The following DCAF6 variants were observed in gnomAD, a reference collection of about 807,000 sequenced individuals.
DCAF6 encodes DDB1- and CUL4-associated factor 6.
DCAF6 carries 54 observed loss-of-function variants against 125.1 expected under a neutral mutation model. That is an observed-to-expected ratio of 0.43 (90% CI 0.35 to 0.54). The LOEUF (loss-of-function observed/expected upper bound fraction) is 0.54. Among genes scored for constraint, DCAF6 ranks in the 20% least tolerant of loss-of-function variants. DCAF6 has a pLI of 0.01. For missense variants in DCAF6, 934 were observed against 1,161.7 expected (o/e 0.80, Z 2.85); for synonymous variants, 371 against 390.4 (o/e 0.95, Z 0.58).
chr1:168,056,463 ACCCGCGCCGG>A (rs1690855238), intron 17 of DCAF6: 1 of 1,121,358 alleles, frequency 8.9e-7, no homozygotes, highest in Non-Finnish European at 1.1e-6. Context: ...CGCCTCGGCC[ACCCGCGCCGG>A]GAGGCGGGGC....
intron 17 of DCAF6, among the ~76,000 whole-genome samples, chr1:168,052,747 C>A (rs983098597): frequency 1.3e-5 from 2 of 152,154 alleles, no homozygotes; most frequent in African/African-American, 4.8e-5. Flanking sequence ...TACCATATTT[C>A]TTTGAATAGT....
At chr1:168,002,932 G>A (rs1406566287) in intron 8 of DCAF6, among the ~76,000 whole-genome samples, 1 of 152,078 alleles carries the variant, frequency 6.6e-6, no homozygotes, top group Admixed American at 6.6e-5. Flanking sequence ...CAGCCCAAGG[G>A]TTTTATATTA....
At chr1:168,026,755 G>T (rs1166260792) in intron 12 of DCAF6, among the ~76,000 whole-genome samples, 1 of 151,976 alleles carries the variant, frequency 6.6e-6, no homozygotes, top group Non-Finnish European at 1.5e-5. Flanking sequence ...GGATATCCAC[G>T]TGGAGAGATC....
intron 17 of DCAF6, among the ~76,000 whole-genome samples, chr1:168,061,951 T>TAC (rs1691645640): frequency 6.6e-6 from 1 of 152,066 alleles, no homozygotes; most frequent in Non-Finnish European, 1.5e-5. Flanking sequence ...CCAAACAACA[T>TAC]ACACAAATGT....
At chr1:168,011,077 G>GT (rs1353033851) in intron 10 of DCAF6, among the ~76,000 whole-genome samples, 1 of 138,700 alleles carries the variant, frequency 7.2e-6, no homozygotes, top group African/African-American at 2.7e-5. Context: ...CCTGCCCTGT[G>GT]TTTTTAATTA....
intron 4 of DCAF6, among the ~76,000 whole-genome samples, chr1:167,986,637 G>C (rs1255267184): frequency 6.6e-6 from 1 of 152,172 alleles, no homozygotes. Flanking sequence ...CACAACCTGT[G>C]AGAAACAGTT....
At chr1:168,038,729 T>C (rs1688139297) in intron 13 of DCAF6, among the ~76,000 whole-genome samples, 1 of 152,124 alleles carries the variant, frequency 6.6e-6, no homozygotes, top group African/African-American at 2.4e-5. Context: ...TTCCAGATGA[T>C]GCCGGTGCTG....
chr1:168,007,488 C>G (rs746942825), intron 10 of DCAF6, among the ~76,000 whole-genome samples: 7 of 151,954 alleles, frequency 4.6e-5, no homozygotes, highest in Non-Finnish European at 7.4e-5. Flanking sequence ...CCCCCATCTG[C>G]TTTTCAACCC....
intron 10 of DCAF6, 31 bp downstream of exon 10, chr1:168,004,824 T>C (rs942794703): frequency 1.3e-5 from 20 of 1,588,318 alleles, no homozygotes; most frequent in Non-Finnish European, 1.5e-5. Flanking sequence ...GTTCATCTAA[T>C]GATTTTTGAT....
At chr1:167,934,941 T>C (rs1249890614), upstream of DCAF6, among the ~76,000 whole-genome samples, 2 of 152,186 alleles carry the variant, frequency 1.3e-5, no homozygotes, top group Non-Finnish European at 2.9e-5. Context: ...CAGTTTTTTT[T>C]TTCAACCACA....
intron 2 of DCAF6, among the ~76,000 whole-genome samples, chr1:167,954,204 C>T (rs111673721): frequency 0.1 from 15,663 of 151,836 alleles, 883 homozygotes; most frequent in African/African-American, 0.14. Flanking sequence ...CGGGGTTTCG[C>T]CGTGTTGGCT....
chr1:167,875,693 G>T, the DCAF6 span, among the ~76,000 whole-genome samples: 4 of 152,220 alleles, frequency 2.6e-5, no homozygotes, highest in African/African-American at 9.6e-5. Context: ...ACTCACGCCT[G>T]TAATCCCAGC....
At chr1:168,064,079 AT>A (rs11295034) in intron 18 of DCAF6, 46,497 of 92,504 alleles carry the variant, frequency 0.5, 9,600 homozygotes, top group Admixed American at 0.59. Flanking sequence ...TTTCTGGTGG[AT>A]TTTTTTTTTT....
intron 10 of DCAF6, among the ~76,000 whole-genome samples, chr1:168,014,367 G>C (rs1444114146): frequency 6.6e-6 from 1 of 152,134 alleles, no homozygotes; most frequent in African/African-American, 2.4e-5. Context: ...TGATCATTCA[G>C]TTCTCCAGCT....
At chr1:167,958,280 A>G (rs1420278840) in intron 2 of DCAF6, among the ~76,000 whole-genome samples, 1 of 149,908 alleles carries the variant, frequency 6.7e-6, no homozygotes, top group Non-Finnish European at 1.5e-5. Flanking sequence ...TTCTGTTTAG[A>G]TATTTGATCT....
chr1:168,039,485 CTT>C (rs1688226886), intron 13 of DCAF6, among the ~76,000 whole-genome samples: 1 of 150,666 alleles, frequency 6.6e-6, no homozygotes, highest in African/African-American at 2.4e-5. Flanking sequence ...TTTTTATACT[CTT>C]TCCCACTATC....
intron 12 of DCAF6, among the ~76,000 whole-genome samples, chr1:168,031,629 T>C (rs1687103100): frequency 6.6e-6 from 1 of 152,196 alleles, no homozygotes; most frequent in South Asian, 2.1e-4. Flanking sequence ...TTGTTTTCAC[T>C]TGGAAGTCAC....
chr1:167,919,288 A>G, the DCAF6 span, among the ~76,000 whole-genome samples: 1 of 152,134 alleles, frequency 6.6e-6, no homozygotes. Flanking sequence ...CTTCCCTTCT[A>G]CCATACCTTG....
the DCAF6 span, among the ~76,000 whole-genome samples, chr1:167,902,881 G>A: frequency 6.6e-6 from 1 of 152,210 alleles, no homozygotes; most frequent in South Asian, 2.1e-4. Context: ...TTATTGAGAA[G>A]CTAATTATAA....
Sources: gnomAD v4.1 joint callset for allele counts (sites outside exome capture counted in the v4.1 genomes callset) on GRCh38, gnomAD v4.1.1 for gene constraint, MANE v1.5 for transcripts, NCBI Gene and HGNC (gene_info 2026-07-23, HGNC 2026-07-21) for gene names.